DOCK8: variants seen among roughly 807,000 people sequenced by gnomAD.
The protein encoded by DOCK8 is dedicator of cytokinesis protein 8.
DOCK8 carries 141 observed loss-of-function variants against 245.6 expected under a neutral mutation model. The observed-to-expected ratio is 0.57, with a 90% CI of 0.50 to 0.66. The LOEUF (loss-of-function observed/expected upper bound fraction) is 0.66, where lower values mean the gene tolerates loss of function less well. DOCK8 is among the 30% of genes least tolerant of loss of function. The pLI is 0.00. For missense variants in DOCK8, 2,965 were observed against 2,603.4 expected (o/e 1.14, Z -3.02); for synonymous variants, 1,168 against 970.2 (o/e 1.20, Z -3.79).
chr9:277,697 T>C (rs2048414943), intron 2 of DOCK8, among the ~76,000 whole-genome samples: 1 of 151,954 alleles, frequency 6.6e-6, no homozygotes. Flanking sequence ...AAAGTGAGAA[T>C]AGAACAATTT....
At chr9:338,093 G>A (rs2051401948) in intron 12 of DOCK8, among the ~76,000 whole-genome samples, 1 of 151,996 alleles carries the variant, frequency 6.6e-6, no homozygotes, top group African/African-American at 2.4e-5. Context: ...GGTGGAGGTT[G>A]CAGTGAGCCG....
intron 10 of DOCK8, among the ~76,000 whole-genome samples, chr9:333,525 T>C (rs1021774049): frequency 5.0e-4 from 75 of 151,224 alleles, no homozygotes; most frequent in Non-Finnish European, 9.1e-4. Flanking sequence ...AGCTTGAACC[T>C]GGGAGGCGGA....
At chr9:282,408 G>GTT (rs139263734) in intron 2 of DOCK8, among the ~76,000 whole-genome samples, 19 of 140,464 alleles carry the variant, frequency 1.4e-4, no homozygotes, top group African/African-American at 4.8e-4. Flanking sequence ...TTTTTGTTTC[G>GTT]TTTTGTTTTT....
chr9:313,672 T>G (rs2050221888), intron 6 of DOCK8, among the ~76,000 whole-genome samples: 1 of 152,216 alleles, frequency 6.6e-6, no homozygotes, highest in Admixed American at 6.5e-5. Context: ...TACGTTTTAG[T>G]GACCTATCGC....
intron 26 of DOCK8, among the ~76,000 whole-genome samples, chr9:400,133 T>C (rs372478046): frequency 9.3e-4 from 27 of 29,068 alleles, no homozygotes; most frequent in East Asian, 2.5e-3. Context: ...ATCTTCACCA[T>C]CACCACCACC....
chr9:379,949 G>C lies in DOCK8; in HGVS notation c.2605+14G>C, dbSNP rs886063935. On this transcript the variant is annotated intron_variant, in intron 21 of 47. Transcript: ENST00000432829. Reference sequence around the variant, plus strand: ...TGCCCAAGTCAGGTAGAGTTGCCCTGAGTGTGGGACTCTGGTGGGCGGGGC... The same window carrying C: ...TGCCCAAGTCAGGTAGAGTTGCCCTCAGTGTGGGACTCTGGTGGGCGGGGC... 1 of 1,612,992 alleles carries C rather than the reference G, an allele frequency of 6.2e-7. No individual in the cohort carries two copies. Among genetic ancestry groups the C allele is most frequent in the Non-Finnish European group, 8.5e-7 (1 of 1,179,728 alleles).
intron 33 of DOCK8, among the ~76,000 whole-genome samples, chr9:422,861 T>A (rs1168276101): frequency 1.3e-5 from 2 of 152,062 alleles, no homozygotes; most frequent in African/African-American, 4.8e-5. Context: ...GGCAGATGCC[T>A]GTAATCCCAG....
intron 14 of DOCK8, among the ~76,000 whole-genome samples, chr9:364,743 G>A (rs1371730339): frequency 6.6e-6 from 1 of 152,048 alleles, no homozygotes; most frequent in African/African-American, 2.4e-5. Context: ...TGATATAGTG[G>A]GTGGTTGCTA....
Position 252,736 on chromosome 9 carries a change from C to T in DOCK8, c.54-18891C>T, listed in dbSNP as rs371909148. On this transcript the variant is annotated intron_variant, in intron 1 of 47. Coordinates refer to ENST00000432829, the MANE Select transcript of DOCK8 (RefSeq NM_203447.4). ...GGAGAATTGCTTGAACCCGGGAGGT[C>T]GCAGTGAGCCGAGATCACACCACTG... Among the ~76,000 whole-genome samples, 8 of 149,464 alleles carry T rather than the reference C, an allele frequency of 5.4e-5. No individual in the cohort carries two copies. The East Asian group carries it at 1.2e-3, about 22-fold the overall frequency.
Position 464,395 on chromosome 9 carries a change from A to T in DOCK8, c.*176A>T. 1 of 691,264 alleles carries T rather than the reference A, an allele frequency of 1.4e-6. No homozygotes were observed. The highest frequency in any genetic ancestry group is 2.6e-6 in the Non-Finnish European group (1 of 385,180). The allele number at this position is 691,264 out of a possible 1,614,324, so 42.8% of individuals were successfully genotyped here. A position where few individuals can be genotyped will look rare whatever the true frequency, so the allele number is the denominator to read the frequency against. ...TGGAATTATTCCCAAATGGACTCTGACCAGATTTTTGCCATACTGGGGGGT... is the reference window on the plus strand; with the variant it reads ...TGGAATTATTCCCAAATGGACTCTGTCCAGATTTTTGCCATACTGGGGGGT... On this transcript the variant is annotated 3_prime_UTR_variant, in exon 48 of 48. Coordinates refer to ENST00000432829, the MANE Select transcript of DOCK8 (RefSeq NM_203447.4).
intron 22 of DOCK8, among the ~76,000 whole-genome samples, chr9:384,743 C>T (rs1014158943): frequency 8.6e-5 from 13 of 152,006 alleles, no homozygotes; most frequent in Non-Finnish European, 1.5e-4. Context: ...GGTGAAACCC[C>T]GTCTCTACTA....
intron 4 of DOCK8, among the ~76,000 whole-genome samples, chr9:290,345 ATTC>A (rs112349745): frequency 6.6e-6 from 1 of 152,184 alleles, no homozygotes; most frequent in Non-Finnish European, 1.5e-5. Context: ...GCCTGAGATA[ATTC>A]TTCTTCCAGT....
intron 42 of DOCK8, among the ~76,000 whole-genome samples, chr9:442,665 A>C (rs1372187156): frequency 6.6e-6 from 1 of 151,252 alleles, no homozygotes; most frequent in Non-Finnish European, 1.5e-5. Flanking sequence ...AGGGCCAAAC[A>C]CTAAGAACTC....
At chr9:373,050 C>A (rs2053368635) in intron 18 of DOCK8, among the ~76,000 whole-genome samples, 2 of 152,158 alleles carry the variant, frequency 1.3e-5, no homozygotes, top group Admixed American at 1.3e-4. Flanking sequence ...GCCTGTAATC[C>A]CAGCTACTCG....
At chr9:287,098 A>G (rs1187512304) in intron 3 of DOCK8, among the ~76,000 whole-genome samples, 1 of 152,196 alleles carries the variant, frequency 6.6e-6, no homozygotes. Context: ...CATAAGGTAA[A>G]CCCACATTTA....
At chr9:272,567 G>T (rs1052699765) in intron 2 of DOCK8, among the ~76,000 whole-genome samples, 1 of 152,060 alleles carries the variant, frequency 6.6e-6, no homozygotes, top group African/African-American at 2.4e-5. Flanking sequence ...TGTACTTTTT[G>T]TAGAGACAGG....
intron 7 of DOCK8, 130 bp from the exon 8 acceptor site, chr9:325,541 T>C: frequency 1.3e-6 from 1 of 787,460 alleles, no homozygotes; most frequent in South Asian, 1.4e-5. Context: ...GATTCTCATA[T>C]ACTTGGAGTT....
chr9:400,264 T>TCCACCATCACCATCA (rs1564013048), intron 26 of DOCK8, among the ~76,000 whole-genome samples: 3 of 35,208 alleles, frequency 8.5e-5, no homozygotes, highest in Admixed American at 3.0e-4. Context: ...CACCACCACC[T>TCCACCATCACCATCA]CCACCATCAC....
At position 386,460 on chromosome 9, in the gene DOCK8, G is replaced by A. The variant is rs761618769; in HGVS notation, c.2874+34G>A. 3 of 1,581,254 alleles carry A rather than the reference G, an allele frequency of 1.9e-6. No homozygotes were observed. The African/African-American group carries it at 4.0e-5, about 21-fold the overall frequency. On this transcript the variant is annotated intron_variant, in intron 23 of 47. Transcript: ENST00000432829. ...GAGAGCAATGTGAGGTTCATCCCAG[G>A]ATAAGAACAGAAGGATTTCCTCATG...
Sources: allele counts gnomAD v4.1 joint callset (sites outside exome capture counted in the v4.1 genomes callset), GRCh38; gene constraint gnomAD v4.1.1; transcripts MANE v1.5; gene names NCBI Gene and HGNC (gene_info 2026-07-23, HGNC 2026-07-21).